Variants in OLFML2B observed in about 807,000 individuals in gnomAD.
OLFML2B encodes olfactomedin like 2B.
OLFML2B carries 57 observed loss-of-function variants against 74.9 expected under a neutral mutation model. That is an observed-to-expected ratio of 0.76 (90% confidence interval 0.61 to 0.95). The LOEUF is 0.95. OLFML2B is among the 40% of genes least tolerant of loss of function. OLFML2B has a pLI of 0.00. For missense variants in OLFML2B, 986 were observed against 970.6 expected (o/e 1.02, Z -0.21); for synonymous variants, 388 against 405.8 (o/e 0.96, Z 0.53).
At position 161,998,267 on chromosome 1, in the gene OLFML2B, A is replaced by G; in HGVS notation, c.1032T>C (p.Ser344=). The change falls in exon 6 of 8, where the codon AGT becomes AGC. Residue 344 remains serine, a synonymous_variant. Transcript: ENST00000294794. Reference sequence around the variant, plus strand: ...GGGTGGCTGCAGGCCTCCGGGTGACACTGGTCATCAGGCCGTTGTGTCTCA... The same window carrying G: ...GGGTGGCTGCAGGCCTCCGGGTGACGCTGGTCATCAGGCCGTTGTGTCTCA... ...QLLRHNGLMT[S]VTRRPAATRQ... 1 of 1,607,782 alleles carries G rather than the reference A, an allele frequency of 6.2e-7. No homozygotes were observed.
chr1:162,011,877 C>G (rs1690400189), intron 3 of OLFML2B, among the ~76,000 whole-genome samples: 1 of 152,212 alleles, frequency 6.6e-6, no homozygotes, highest in African/African-American at 2.4e-5. Flanking sequence ...TAAACTGTTC[C>G]TAGGCCGACG....
chr1:161,994,953 A>C lies in OLFML2B; in HGVS notation c.1474+2872T>G, dbSNP rs1475255191. Among the ~76,000 whole-genome samples the C allele has an allele frequency of 3.3e-5, 5 of 152,206 alleles. No individual in the cohort carries two copies. In the South Asian group the frequency reaches 8.3e-4, roughly 25 times the overall value. On this transcript the variant is annotated intron_variant, in intron 6 of 7. Coordinates refer to ENST00000294794, the MANE Select transcript of OLFML2B (RefSeq NM_015441.3). ...AAAAATCAAAATTGCTGGATTCATC[A>C]AACAGCAAACAAGCTTTCCCAGGTA...
At position 161,984,075 on chromosome 1, in the gene OLFML2B, G is replaced by A; in HGVS notation, c.1853C>T (p.Ser618Leu). 1 of 1,613,698 alleles carries A rather than the reference G, an allele frequency of 6.2e-7. No homozygotes were observed. Among genetic ancestry groups the A allele is most frequent in the Non-Finnish European group, 8.5e-7 (1 of 1,179,648 alleles). The part of the protein sequence containing the change: ...EATPWRWQGH[S>L]DVDFAVDENG... The stretch of plus-strand genomic sequence containing the variant: ...CTCGTCCACAGCAAAGTCCACGTCT[G>A]AGTGGCCCTGCCATCGCCAGGGGGT... The change falls in exon 8 of 8, where the codon TCA (serine) becomes TTA (leucine). Residue 618 changes from serine to leucine, a missense_variant. Ser to Leu is a moderately radical substitution (Grantham distance 145, BLOSUM62 -2). Coordinates refer to ENST00000294794, the MANE Select transcript of OLFML2B (RefSeq NM_015441.3).
rs370106359 is a variant in OLFML2B, at chr1:162,005,632, C to G, written c.723+665G>C. ...CAGGGCCAGGTACAGTGGCCCACGC[C>G]TGTCATCCCAGTGATTTGGGAGGCT... On this transcript the variant is annotated intron_variant, in intron 4 of 7. Transcript: ENST00000294794. 2.4e-4 allele frequency among the ~76,000 whole-genome samples: 36 copies of G among 152,336 alleles called. No individual in the cohort carries two copies. The East Asian group carries it at 6.7e-3, about 29-fold the overall frequency.
At chr1:162,020,274 T>G in intron 1 of OLFML2B, 92 bp from the exon 2 acceptor site, 6 of 1,457,092 alleles carry the variant, frequency 4.1e-6, no homozygotes, top group Non-Finnish European at 5.6e-6. Context: ...TCAAATGTCC[T>G]GCACTAGTCA....
intron 2 of OLFML2B, among the ~76,000 whole-genome samples, chr1:162,019,220 C>G (rs957473615): frequency 1.3e-5 from 2 of 152,214 alleles, no homozygotes; most frequent in African/African-American, 4.8e-5. Flanking sequence ...TAGTTGTTAT[C>G]TCATTACTCC....
intron 6 of OLFML2B, among the ~76,000 whole-genome samples, chr1:161,997,436 T>C (rs1352447086): frequency 6.6e-6 from 1 of 152,166 alleles, no homozygotes; most frequent in African/African-American, 2.4e-5. Context: ...TTCCCCCCAG[T>C]AAAAACCCTT....
chr1:161,987,711 A>G (rs992390651), intron 6 of OLFML2B, among the ~76,000 whole-genome samples: 21 of 152,196 alleles, frequency 1.4e-4, no homozygotes, highest in Non-Finnish European at 2.6e-4. Context: ...AGGCATAGGA[A>G]ATGGATACAG....
Position 162,020,075 on chromosome 1 carries a change from C to T in OLFML2B, c.282G>A (p.Ala94=), listed in dbSNP as rs142507560. 40 of 1,614,054 alleles carry T rather than the reference C, an allele frequency of 2.5e-5. No individual in the cohort carries two copies. The highest frequency in any genetic ancestry group is 2.3e-4 in the African/African-American group (17 of 74,904). The stretch of plus-strand genomic sequence containing the variant: ...AGAAGTCTTCCTTCCTGGAGGCCCC[C>T]GCATTGATCCTCTGGCAGGCATCCC... ...LGRDACQRIN[A]GASRKEDFYT... is the part of the protein sequence containing the mutation. The change falls in exon 2 of 8, where the codon GCG becomes GCA. Residue 94 remains alanine (A), a synonymous_variant. Transcript: ENST00000294794.
chr1:161,993,459 T>C (rs954612883), intron 6 of OLFML2B, among the ~76,000 whole-genome samples: 12 of 152,204 alleles, frequency 7.9e-5, no homozygotes, highest in African/African-American at 2.9e-4. Context: ...GCCCCTGCCG[T>C]ATCTGTCTTT....
chr1:161,984,926 T>A lies in OLFML2B; in HGVS notation c.1529A>T (p.Tyr510Phe). 4 of 1,612,308 alleles carry A rather than the reference T, an allele frequency of 2.5e-6. No homozygotes were observed. Among genetic ancestry groups the A allele is most frequent in the Non-Finnish European group, 3.4e-6 (4 of 1,179,566 alleles). The change falls in exon 7 of 8, where the codon TAT becomes TTT. Residue 510 changes from tyrosine to phenylalanine, a missense_variant. Tyr to Phe is a conservative substitution (Grantham distance 22). Transcript: ENST00000294794. ...CATCCAGGCCCCTTCATTCCGCCCA[T>A]ATGTGTTCTGGGTGGTCGGCCCCGT... ...TITGPTTQNT[Y>F]GRNEGAWMKD...
At chr1:161,987,913 AG>A (rs1453110274) in intron 6 of OLFML2B, among the ~76,000 whole-genome samples, 1 of 152,218 alleles carries the variant, frequency 6.6e-6, no homozygotes, top group Non-Finnish European at 1.5e-5. Context: ...ATTTGAAGAC[AG>A]GATCAAGGGA....
intron 6 of OLFML2B, chr1:161,985,199 C>T: frequency 2.1e-6 from 1 of 473,838 alleles, no homozygotes; most frequent in Non-Finnish European, 3.7e-6. Context: ...CCATCTTTGG[C>T]AACTTTCACA....
At position 161,997,832 on chromosome 1, in the gene OLFML2B, A is replaced by G. The variant is rs1689955052; in HGVS notation, c.1467T>C (p.Asn489=). The G allele has an allele frequency of 1.2e-6, 2 of 1,612,120 alleles. No homozygotes were observed. Among genetic ancestry groups the G allele is most frequent in the Non-Finnish European group, 1.7e-6 (2 of 1,178,688 alleles). The part of the protein sequence containing the change: ...LSPEEEDDIR[N]VIGRCKDTLS... ...CAGGTACAATGAACTTACCTATGAC[A>G]TTCCGGATGTCATCTTCTTCTTCGG... Residue 489 remains asparagine (N), a synonymous_variant, in exon 6 of 8, where the codon AAT becomes AAC. Transcript: ENST00000294794.
chr1:162,006,896 A>C (rs1690250501), intron 3 of OLFML2B, among the ~76,000 whole-genome samples: 1 of 152,192 alleles, frequency 6.6e-6, no homozygotes, highest in Non-Finnish European at 1.5e-5. Flanking sequence ...GGGCTTTCTA[A>C]GCAATTTTGG....
chr1:162,022,496 G>A (rs916863936), intron 1 of OLFML2B, among the ~76,000 whole-genome samples: 1 of 151,806 alleles, frequency 6.6e-6, no homozygotes, highest in Non-Finnish European at 1.5e-5. Context: ...TGATCTGCCC[G>A]CCTCGGCCTC....
chr1:162,005,564 G>A (rs911833246), intron 4 of OLFML2B, among the ~76,000 whole-genome samples: 6 of 152,136 alleles, frequency 3.9e-5, no homozygotes, highest in African/African-American at 1.2e-4. Flanking sequence ...TTCCAAACTG[G>A]GGCATTTTTT....
At chr1:162,018,393 A>G (rs1053377153) in intron 2 of OLFML2B, among the ~76,000 whole-genome samples, 1 of 152,186 alleles carries the variant, frequency 6.6e-6, no homozygotes, top group East Asian at 1.9e-4. Flanking sequence ...ATACTCAACA[A>G]GGTGGCTCTA....
At chr1:161,997,733 A>G in intron 6 of OLFML2B, 92 bp downstream of exon 6, 1 of 1,383,036 alleles carries the variant, frequency 7.2e-7, no homozygotes, top group Non-Finnish European at 9.9e-7. Context: ...AACTTTGACC[A>G]TCTGGTGCCT....
Sources: allele counts gnomAD v4.1 joint callset (sites outside exome capture counted in the v4.1 genomes callset), GRCh38; gene constraint gnomAD v4.1.1; transcripts MANE v1.5; gene names NCBI Gene and HGNC (gene_info 2026-07-23, HGNC 2026-07-21).